The following PCNX2 variants were observed in gnomAD, a reference collection of about 807,000 sequenced individuals.
The protein encoded by PCNX2 is pecanex-like protein 2.
In PCNX2, 168 loss-of-function variants were observed where a neutral mutation model predicts 223.8. That is an observed-to-expected ratio of 0.75 (90% CI 0.66 to 0.85). The LOEUF (loss-of-function observed/expected upper bound fraction) is 0.85. Ranked by LOEUF, PCNX2 falls within the 40% of genes least tolerant of loss-of-function variation. PCNX2 has a pLI of 0.00. For missense variants in PCNX2, 2,507 were observed against 2,675.5 expected (o/e 0.94, Z 1.39); for synonymous variants, 1,006 against 1,052.6 (o/e 0.96, Z 0.86).
At chr1:233,314,603 A>T in the PCNX2 span, among the ~76,000 whole-genome samples, 3 of 152,200 alleles carry the variant, frequency 2.0e-5, no homozygotes, top group Non-Finnish European at 2.9e-5. Flanking sequence ...TAGGAAAAAT[A>T]AAGTTTTCAG....
chr1:233,128,696 C>T (rs973146389), intron 21 of PCNX2, among the ~76,000 whole-genome samples: 2 of 152,210 alleles, frequency 1.3e-5, no homozygotes, highest in Non-Finnish European at 2.9e-5. Context: ...TATTTGTCAT[C>T]TTTGCTCCTG....
Position 233,252,737 on chromosome 1 carries a change from C to T in PCNX2, c.1886G>A (p.Ser629Asn), listed in dbSNP as rs368582732. ...TTTTCCTTGCTTAGAACTGTGTCCACTGGGCTTTTCATTTTCCAGGATTTC... is the reference window on the plus strand; with the variant it reads ...TTTTCCTTGCTTAGAACTGTGTCCATTGGGCTTTTCATTTTCCAGGATTTC... ...KEEILENEKP[S>N]GHSSKQGKPD... Residue 629 changes from serine (S) to asparagine (N), a missense_variant, in exon 6 of 34, where the codon AGT (serine) becomes AAT (asparagine). Ser to Asn is a conservative substitution (Grantham distance 46). Coordinates refer to ENST00000258229, the MANE Select transcript of PCNX2 (RefSeq NM_014801.4). The T allele has an allele frequency of 2.5e-6, 4 of 1,613,362 alleles. No individual in the cohort carries two copies. In the African/African-American group the frequency reaches 5.3e-5, roughly 22 times the overall value.
At position 232,990,216 on chromosome 1, in the gene PCNX2, C is replaced by G. The variant is rs181661612; in HGVS notation, c.5792-3676G>C. Among the ~76,000 whole-genome samples the G allele has an allele frequency of 1.3e-5, 2 of 152,212 alleles. No individual in the cohort carries two copies. The highest frequency in any genetic ancestry group is 2.4e-5 in the African/African-American group (1 of 41,452). ...GGTAGGTGGTTTCCGCAAAGTGTCC[C>G]GGGCAGGGCCAGGCAGAGCCGCCCC... On this transcript the variant is annotated intron_variant, in intron 32 of 33. Transcript: ENST00000258229. This position sits in a 1 kb window ranked among gnomAD's most constrained non-coding sequence, Gnocchi z 4.3.
chr1:233,217,905 T>C lies in PCNX2; in HGVS notation c.2685A>G (p.Pro895=), dbSNP rs767098179. The C allele has an allele frequency of 6.2e-7, 1 of 1,613,886 alleles. No homozygotes were observed. Among genetic ancestry groups the C allele is most frequent in the Non-Finnish European group, 8.5e-7 (1 of 1,179,878 alleles). The part of the protein sequence containing the change: ...LKSVQPDPAS[P]IHGHNQIITY... ...CCTGTATTTGGAAACTTACGTGTATTGGTGAGGCGGGGTCAGGCTGAACAC... is the reference window on the plus strand; with the variant it reads ...CCTGTATTTGGAAACTTACGTGTATCGGTGAGGCGGGGTCAGGCTGAACAC... Residue 895 remains proline (P), a synonymous_variant, in exon 12 of 34, where the codon CCA becomes CCG. Coordinates refer to ENST00000258229, the MANE Select transcript of PCNX2 (RefSeq NM_014801.4).
rs527367143 is a variant in PCNX2, at chr1:233,230,210, T to C, written c.2359-2839A>G. On this transcript the variant is annotated intron_variant, in intron 9 of 33. Transcript: ENST00000258229. Reference sequence around the variant, plus strand: ...ATAAATGTATCCACATCTGTATCTATGTATGGAGAGAGAAGTGAGTCACGA... The same window carrying C: ...ATAAATGTATCCACATCTGTATCTACGTATGGAGAGAGAAGTGAGTCACGA... 4.6e-4 allele frequency among the ~76,000 whole-genome samples: 70 copies of C among 152,248 alleles called. No homozygotes were observed. In the South Asian group the frequency reaches 0.014, roughly 31 times the overall value.
chr1:233,070,794 T>G (rs1174471586), intron 23 of PCNX2, among the ~76,000 whole-genome samples: 1 of 152,082 alleles, frequency 6.6e-6, no homozygotes, highest in Non-Finnish European at 1.5e-5. Context: ...CCCAGCACTT[T>G]GGGAGGCCGA....
At chr1:233,238,693 C>CAAAA (rs397725959) in intron 8 of PCNX2, among the ~76,000 whole-genome samples, 5 of 130,616 alleles carry the variant, frequency 3.8e-5, no homozygotes, top group Admixed American at 7.7e-5. Context: ...GATCCTGTCT[C>CAAAA]AAAAAAAAAA....
chr1:233,241,043 G>C (rs374838471), intron 8 of PCNX2: 6 of 503,170 alleles, frequency 1.2e-5, no homozygotes, highest in Non-Finnish European at 1.5e-5. Flanking sequence ...GGCACAAGGC[G>C]CATAGAGGGA....
In PCNX2 at chr1:233,230,324, C is replaced by T. The variant is rs149099358; in HGVS notation, c.2359-2953G>A. Among the ~76,000 whole-genome samples, 607 of 152,082 alleles carry T rather than the reference C, an allele frequency of 4.0e-3. 2 individuals are homozygous for T. The highest frequency in any genetic ancestry group is 0.014 in the African/African-American group (576 of 41,478). On this transcript the variant is annotated intron_variant, in intron 9 of 33. Transcript: ENST00000258229. ...AGTGCATCAACAATTAAGGGGCTTGCGTAAGTGAGGACCCTCAGTGGAGTC... is the reference window on the plus strand; with the variant it reads ...AGTGCATCAACAATTAAGGGGCTTGTGTAAGTGAGGACCCTCAGTGGAGTC...
chr1:233,296,678 T>C (rs950595076), upstream of PCNX2, among the ~76,000 whole-genome samples: 4 of 152,160 alleles, frequency 2.6e-5, no homozygotes, highest in Non-Finnish European at 5.9e-5. Flanking sequence ...ATTAGAGGGC[T>C]CCATGATTCC....
intron 1 of PCNX2, among the ~76,000 whole-genome samples, chr1:233,293,481 C>G (rs964950808): frequency 1.3e-5 from 2 of 152,214 alleles, no homozygotes; most frequent in Admixed American, 1.3e-4. Context: ...AAGTGAAATA[C>G]ATGTTCCAAC....
rs536979118 is a variant in PCNX2, at chr1:233,088,755, G to A, written c.4076+1306C>T. Among the ~76,000 whole-genome samples, 6 of 152,234 alleles carry A rather than the reference G, an allele frequency of 3.9e-5. No individual in the cohort carries two copies. In the East Asian group the frequency reaches 5.8e-4, roughly 15 times the overall value. ...GAGATTGTCTGAAGGAGATCCCCCC[G>A]AGTCATGGTAAACACCTACTAGCAT... On this transcript the variant is annotated intron_variant, in intron 23 of 33. Transcript: ENST00000258229.
rs868575637 is a variant in PCNX2 at position 233,054,517 on chromosome 1, C to T, written c.4136-34G>A. ...AGACAAGAAATATGATCAGTGAATG[C>T]CTACTCCTTGCTGTGTATCCAGACC... On this transcript the variant is annotated intron_variant, in intron 24 of 33. Coordinates refer to ENST00000258229, the MANE Select transcript of PCNX2 (RefSeq NM_014801.4). The T allele has an allele frequency of 1.2e-5, 18 of 1,534,792 alleles. No homozygotes were observed. In the Middle Eastern group the frequency reaches 2.0e-3, roughly 173 times the overall value.
intron 22 of PCNX2, among the ~76,000 whole-genome samples, chr1:233,094,596 A>C (rs922331378): frequency 1.4e-4 from 22 of 152,188 alleles, no homozygotes; most frequent in African/African-American, 3.9e-4. Flanking sequence ...GGAAGAAATC[A>C]TTTTTCAAAA....
chr1:233,279,251 C>A (rs1320959867), intron 1 of PCNX2, among the ~76,000 whole-genome samples: 1 of 152,034 alleles, frequency 6.6e-6, no homozygotes, highest in African/African-American at 2.4e-5. Flanking sequence ...CAAGGTCTCA[C>A]TCTGTTGCCC....
intron 21 of PCNX2, chr1:233,113,107 G>T: frequency 1.1e-6 from 1 of 943,326 alleles, no homozygotes; most frequent in Non-Finnish European, 1.5e-6. Flanking sequence ...AACGCAGTGA[G>T]CTGGCCAGTT....
chr1:233,289,270 T>G, intron 1 of PCNX2: 1 of 969,660 alleles, frequency 1.0e-6, no homozygotes. Context: ...AAGATTATGA[T>G]AGCTTTCTGA....
At chr1:233,174,444 T>C (rs114214927) in intron 17 of PCNX2, among the ~76,000 whole-genome samples, 2,323 of 151,092 alleles carry the variant, frequency 0.015, 24 homozygotes, top group South Asian at 0.036. Flanking sequence ...AACTAAGAAA[T>C]ATATTAGCTT....
intron 21 of PCNX2, among the ~76,000 whole-genome samples, chr1:233,127,777 G>T (rs537559918): frequency 5.8e-4 from 88 of 152,274 alleles, no homozygotes; most frequent in Middle Eastern, 3.4e-3. Flanking sequence ...TGCACAAAGT[G>T]TTCAGAACAG....
Sources: gnomAD v4.1 joint callset for allele counts (sites outside exome capture counted in the v4.1 genomes callset) on GRCh38, gnomAD v4.1.1 for gene constraint, Gnocchi (gnomAD v3.1) non-coding constraint, MANE v1.5 for transcripts, NCBI Gene and HGNC (gene_info 2026-07-23, HGNC 2026-07-21) for gene names.